The following TTLL11 variants were observed in gnomAD, a reference collection of about 807,000 sequenced individuals.
TTLL11 encodes the protein tubulin polyglutamylase TTLL11.
A neutral mutation model predicts 51.7 loss-of-function variants in TTLL11; 42 were observed. The observed-to-expected ratio is 0.81, with a 90% CI of 0.64 to 1.05. The LOEUF is 1.05. TTLL11 is among the 50% of genes least tolerant of loss of function. The pLI, the probability that TTLL11 is intolerant of heterozygous loss-of-function variation, is 0.00. For synonymous variants in TTLL11, 381 were observed against 383.5 expected, an observed-to-expected ratio of 0.99 and a Z score of 0.08; for missense variants, 799 against 940.4, an observed-to-expected ratio of 0.85 and a Z score of 1.97.
intron 3 of TTLL11, among the ~76,000 whole-genome samples, chr9:121,991,791 T>C (rs1291850759): frequency 1.3e-5 from 2 of 152,164 alleles, no homozygotes; most frequent in Non-Finnish European, 2.9e-5. Context: ...ATAGAATCAT[T>C]GAATTTTTAG....
chr9:122,023,403 C>G (rs1391931946), intron 3 of TTLL11, among the ~76,000 whole-genome samples: 2 of 151,880 alleles, frequency 1.3e-5, no homozygotes, highest in Admixed American at 1.3e-4. Context: ...AAAAACTCTT[C>G]TAGAAAATTT....
intron 1 of TTLL11, among the ~76,000 whole-genome samples, chr9:122,078,004 T>C (rs1298027844): frequency 6.6e-6 from 1 of 152,052 alleles, no homozygotes; most frequent in Admixed American, 6.6e-5. Flanking sequence ...AAGGAAGAAA[T>C]CTTCATGAAA....
chr9:122,046,350 T>A (rs1438347576), intron 1 of TTLL11, among the ~76,000 whole-genome samples: 1 of 152,190 alleles, frequency 6.6e-6, no homozygotes, highest in Non-Finnish European at 1.5e-5. Context: ...TCTTCCATGA[T>A]TGTAAGTTTC....
At chr9:121,935,038 TC>T (rs986885501) in intron 6 of TTLL11, among the ~76,000 whole-genome samples, 2 of 152,076 alleles carry the variant, frequency 1.3e-5, no homozygotes, top group African/African-American at 4.8e-5. Flanking sequence ...CACTGCAACC[TC>T]CACCTCCTGG....
At chr9:121,911,807 G>C (rs1840130790) in intron 6 of TTLL11, among the ~76,000 whole-genome samples, 1 of 152,106 alleles carries the variant, frequency 6.6e-6, no homozygotes, top group Non-Finnish European at 1.5e-5. Flanking sequence ...GGGAGGAATA[G>C]CATTAGGAGA....
intron 6 of TTLL11, 77 bp from the exon 7 acceptor site, chr9:121,870,825 G>A (rs1177946856): frequency 1.5e-5 from 22 of 1,419,458 alleles, no homozygotes; most frequent in East Asian, 1.3e-4. Context: ...CAGCCTCCTC[G>A]GGAGGCAGCA....
intron 1 of TTLL11, among the ~76,000 whole-genome samples, chr9:122,042,148 G>T (rs2131830252): frequency 6.6e-6 from 1 of 152,174 alleles, no homozygotes; most frequent in African/African-American, 2.4e-5. Context: ...CCGAGTGGCT[G>T]GGATTACTGG....
intron 3 of TTLL11, among the ~76,000 whole-genome samples, chr9:122,012,455 A>G (rs1465362078): frequency 6.6e-6 from 1 of 152,130 alleles, no homozygotes; most frequent in Non-Finnish European, 1.5e-5. Context: ...AAAAAAGCAT[A>G]TTAAAGCAGT....
At chr9:121,966,320 A>G (rs1264606682) in intron 6 of TTLL11, among the ~76,000 whole-genome samples, 1 of 152,166 alleles carries the variant, frequency 6.6e-6, no homozygotes, top group African/African-American at 2.4e-5. Flanking sequence ...TGGCATCATG[A>G]TATCAATAAA....
At chr9:121,924,762 C>CTT (rs762402616) in intron 6 of TTLL11, among the ~76,000 whole-genome samples, 109 of 139,408 alleles carry the variant, frequency 7.8e-4, no homozygotes, top group African/African-American at 2.6e-3. Context: ...ATAACAAGCA[C>CTT]TTTTTTTTTT....
At chr9:121,829,366 C>A (rs1004772612) in intron 8 of TTLL11, among the ~76,000 whole-genome samples, 1 of 152,106 alleles carries the variant, frequency 6.6e-6, no homozygotes, top group African/African-American at 2.4e-5. Context: ...AGAAGACATC[C>A]GGCCCCATCC....
Position 121,974,914 on chromosome 9 carries a change from A to G in TTLL11, c.1335T>C (p.Asn445=). ...GCTCATGTTCGATTCTCATACTGGG[A>G]TTTGCATTTACTTCAAGTAGTATAG... The part of the protein sequence containing the change: ...LKPILLEVNA[N]PSMRIEHEHE... Residue 445 remains asparagine, a synonymous_variant, in exon 5 of 9, where the codon AAT becomes AAC. Coordinates refer to ENST00000321582, the MANE Select transcript of TTLL11 (RefSeq NM_001139442.2). 2.6e-6 allele frequency: 4 copies of G among 1,543,586 alleles called. No homozygotes were observed. Among genetic ancestry groups the G allele is most frequent in the Non-Finnish European group, 3.5e-6 (4 of 1,145,364 alleles).
chr9:121,856,279 C>T (rs1347176492), intron 8 of TTLL11, among the ~76,000 whole-genome samples: 1 of 152,104 alleles, frequency 6.6e-6, no homozygotes, highest in African/African-American at 2.4e-5. Flanking sequence ...TGCTATGTTG[C>T]CCAGGTTGGT....
chr9:122,072,059 A>C lies in TTLL11; in HGVS notation c.462+20628T>G, dbSNP rs182775180. ...AGATTTTTCACACACAGACACACAC[A>C]CACATACACCCCTGTTTAAAACCTT... is the stretch of plus-strand genomic sequence containing the variant. On this transcript the variant is annotated intron_variant, in intron 1 of 8. Transcript: ENST00000321582. Among the ~76,000 whole-genome samples, 171 of 152,256 alleles carry C rather than the reference A, an allele frequency of 1.1e-3. 1 individual carries two copies. The highest frequency in any genetic ancestry group is 3.9e-3 in the African/African-American group (163 of 41,562).
At chr9:121,950,305 A>G (rs530024491) in intron 6 of TTLL11, among the ~76,000 whole-genome samples, 1 of 152,270 alleles carries the variant, frequency 6.6e-6, no homozygotes, top group Non-Finnish European at 1.5e-5. Flanking sequence ...GTCTGTAACC[A>G]TGATCACAGC....
chr9:121,887,431 G>T (rs1490133464), intron 6 of TTLL11, among the ~76,000 whole-genome samples: 1 of 152,204 alleles, frequency 6.6e-6, no homozygotes, highest in East Asian at 1.9e-4. Context: ...GATGGCAATG[G>T]TGGTTGAATG....
chr9:121,903,790 C>A (rs1053953327), intron 6 of TTLL11, among the ~76,000 whole-genome samples: 1 of 152,080 alleles, frequency 6.6e-6, no homozygotes. Flanking sequence ...GTCTATACTT[C>A]GTGAATCTGT....
chr9:121,921,171 C>T (rs898840988), intron 6 of TTLL11, among the ~76,000 whole-genome samples: 14 of 152,210 alleles, frequency 9.2e-5, no homozygotes, highest in African/African-American at 3.1e-4. Flanking sequence ...ATGCAAAAGA[C>T]GTCCGTCAGA....
intron 1 of TTLL11, among the ~76,000 whole-genome samples, chr9:122,079,296 G>C (rs1030975297): frequency 6.6e-6 from 1 of 152,084 alleles, no homozygotes; most frequent in African/African-American, 2.4e-5. Flanking sequence ...TTTCACTGTG[G>C]TTTTGATTTT....
Sources: allele counts gnomAD v4.1 joint callset (sites outside exome capture counted in the v4.1 genomes callset), GRCh38; gene constraint gnomAD v4.1.1; transcripts MANE v1.5; gene names NCBI Gene and HGNC (gene_info 2026-07-23, HGNC 2026-07-21).